Variants in SPOCK3 observed in about 807,000 individuals in gnomAD.
SPOCK3 encodes SPARC (osteonectin), cwcv and kazal like domains proteoglycan 3.
Under a neutral mutation model 56.6 loss-of-function variants are expected in SPOCK3, and 30 were observed. The ratio of observed to expected loss-of-function variants is 0.53; its 90% CI spans 0.40 to 0.72. The LOEUF (loss-of-function observed/expected upper bound fraction) is 0.72, where lower values mean the gene tolerates loss of function less well. Among genes scored for constraint, SPOCK3 ranks in the 30% least tolerant of loss-of-function variants. The probability of loss-of-function intolerance (pLI) is 0.00; values close to 1 mark genes in which losing one functional copy is unlikely to be tolerated. For missense variants in SPOCK3, 527 were observed against 530.0 expected (o/e 0.99, Z 0.06); for synonymous variants, 196 against 183.3 (o/e 1.07, Z -0.56).
intron 2 of SPOCK3, among the ~76,000 whole-genome samples, chr4:167,190,136 T>C (rs949113418): frequency 6.8e-6 from 1 of 146,302 alleles, no homozygotes; most frequent in African/African-American, 2.6e-5. Flanking sequence ...GGAAATATAC[T>C]CAGAGCAAGA....
chr4:167,071,119 C>A (rs1756632582), intron 2 of SPOCK3, among the ~76,000 whole-genome samples: 1 of 151,960 alleles, frequency 6.6e-6, no homozygotes, highest in East Asian at 1.9e-4. Context: ...AGGTTAGAAT[C>A]CCTCTGAATA....
At chr4:167,188,283 C>T (rs1732190808) in intron 2 of SPOCK3, among the ~76,000 whole-genome samples, 2 of 145,852 alleles carry the variant, frequency 1.4e-5, no homozygotes, top group Admixed American at 7.0e-5. Flanking sequence ...TTACTTAACT[C>T]ACTTTCTATT....
intron 2 of SPOCK3, among the ~76,000 whole-genome samples, chr4:167,157,443 CTA>C (rs1764909642): frequency 6.6e-6 from 1 of 151,760 alleles, no homozygotes; most frequent in South Asian, 2.1e-4. Flanking sequence ...TCTTGACCAA[CTA>C]TATATAAAAT....
chr4:166,734,752 T>C lies in SPOCK3; in HGVS notation c.*169A>G. The C allele has an allele frequency of 3.5e-6, 2 of 571,270 alleles. No individual in the cohort carries two copies. The highest frequency in any genetic ancestry group is 7.5e-5 in the South Asian group (2 of 26,762). The allele number at this position is 571,270 out of a possible 1,614,324, so 35.4% of individuals were successfully genotyped here. On this transcript the variant is annotated 3_prime_UTR_variant, in exon 11 of 11. Coordinates refer to ENST00000357545, the MANE Select transcript of SPOCK3 (RefSeq NM_001040159.2). ...ATAAAAACTCAAAGCAAATGATTCT[T>C]ATTTAAACATAAAGTTCTATAACTT...
intron 7 of SPOCK3, among the ~76,000 whole-genome samples, chr4:166,784,404 TAAGAC>T (rs931070508): frequency 6.6e-6 from 1 of 152,114 alleles, no homozygotes; most frequent in Non-Finnish European, 1.5e-5. Flanking sequence ...ATACAAATCT[TAAGAC>T]AATACCTTAG....
At chr4:167,157,536 A>G (rs1014176439) in intron 2 of SPOCK3, among the ~76,000 whole-genome samples, 3 of 151,980 alleles carry the variant, frequency 2.0e-5, no homozygotes, top group African/African-American at 7.2e-5. Flanking sequence ...TTCTGACATT[A>G]AAAACATCTG....
intron 7 of SPOCK3, among the ~76,000 whole-genome samples, chr4:166,766,551 G>A (rs6813465): frequency 0.46 from 69,779 of 151,930 alleles, 16,540 homozygotes; most frequent in African/African-American, 0.51. Flanking sequence ...CTTGATCGTG[G>A]TGGATAAGCT....
chr4:166,993,225 A>G (rs1375825602), intron 4 of SPOCK3, among the ~76,000 whole-genome samples: 3 of 152,184 alleles, frequency 2.0e-5, no homozygotes, highest in Non-Finnish European at 4.4e-5. Context: ...AGGAGCCTTT[A>G]GGCCCAGTGG....
chr4:166,766,973 T>C (rs1046882065), intron 7 of SPOCK3, among the ~76,000 whole-genome samples: 1 of 152,130 alleles, frequency 6.6e-6, no homozygotes, highest in African/African-American at 2.4e-5. Flanking sequence ...AGTTTATTTG[T>C]GTAGAGGTGT....
At chr4:166,774,796 C>T (rs1467940570) in intron 7 of SPOCK3, among the ~76,000 whole-genome samples, 4 of 152,096 alleles carry the variant, frequency 2.6e-5, no homozygotes, top group Non-Finnish European at 5.9e-5. Context: ...CACCCTCATC[C>T]CTCCTTATAG....
At chr4:167,059,189 G>C (rs1396400627) in intron 3 of SPOCK3, among the ~76,000 whole-genome samples, 3 of 151,998 alleles carry the variant, frequency 2.0e-5, no homozygotes, top group Non-Finnish European at 2.9e-5. Context: ...CACAGCAAAA[G>C]AAACTACCAT....
chr4:166,849,120 T>G (rs1057213776), intron 6 of SPOCK3, among the ~76,000 whole-genome samples: 43 of 152,222 alleles, frequency 2.8e-4, no homozygotes, highest in African/African-American at 9.4e-4. Context: ...GACTATGGGT[T>G]GTTGAAATGA....
chr4:167,146,762 T>G (rs1340655321), intron 2 of SPOCK3, among the ~76,000 whole-genome samples: 4 of 152,022 alleles, frequency 2.6e-5, no homozygotes, highest in Non-Finnish European at 5.9e-5. Context: ...TTAAAACCAA[T>G]GAGAACAAAG....
Position 167,103,785 on chromosome 4 carries a change from A to T in SPOCK3, c.190-41248T>A, listed in dbSNP as rs115385904. Among the ~76,000 whole-genome samples, 1,342 of 152,252 alleles carry T rather than the reference A, an allele frequency of 8.8e-3. 18 individuals carry two copies. Among genetic ancestry groups the T allele is most frequent in the African/African-American group, 0.03 (1,264 of 41,548 alleles). ...TAGCGGTTACCATGGGCCTTTGGTG[A>T]GACTCAGTGCTGTGCTAGCTTCAAT... On this transcript the variant is annotated intron_variant, in intron 2 of 10. Transcript: ENST00000357545.
intron 6 of SPOCK3, among the ~76,000 whole-genome samples, chr4:166,803,099 T>C (rs1742791699): frequency 6.6e-6 from 1 of 152,080 alleles, no homozygotes; most frequent in African/African-American, 2.4e-5. Flanking sequence ...AATTATTCCT[T>C]ACCAAGGATT....
intron 5 of SPOCK3, among the ~76,000 whole-genome samples, chr4:166,892,727 C>T (rs1316805034): frequency 6.6e-6 from 1 of 151,808 alleles, no homozygotes; most frequent in African/African-American, 2.4e-5. Context: ...TATCTAAGAC[C>T]CCGAGTATTG....
chr4:167,055,006 G>T (rs1295009945), intron 3 of SPOCK3, among the ~76,000 whole-genome samples: 1 of 152,038 alleles, frequency 6.6e-6, no homozygotes, highest in Non-Finnish European at 1.5e-5. Context: ...CTTAATTTCT[G>T]CATGCTTTAT....
chr4:167,182,100 T>G (rs1171431119), intron 2 of SPOCK3, among the ~76,000 whole-genome samples: 1 of 152,190 alleles, frequency 6.6e-6, no homozygotes. Flanking sequence ...AATAACTCAT[T>G]GTAGAGAGTT....
chr4:167,095,006 C>G (rs934505764), intron 2 of SPOCK3, among the ~76,000 whole-genome samples: 1 of 152,042 alleles, frequency 6.6e-6, no homozygotes, highest in Non-Finnish European at 1.5e-5. Context: ...CAGAGAAAGA[C>G]CACTCTCAGC....
Sources: gnomAD v4.1 joint callset for allele counts (sites outside exome capture counted in the v4.1 genomes callset) on GRCh38, gnomAD v4.1.1 for gene constraint, MANE v1.5 for transcripts, NCBI Gene and HGNC (gene_info 2026-07-23, HGNC 2026-07-21) for gene names.